The following USH2A variants were observed in gnomAD, a reference collection of about 807,000 sequenced individuals.
The protein encoded by USH2A is usherin, also known as Usher syndrome 2A (autosomal recessive, mild).
USH2A carries 443 observed loss-of-function variants against 538.9 expected under a neutral mutation model. That is an observed-to-expected ratio of 0.82 (90% CI 0.76 to 0.89). The LOEUF is 0.89. Among genes scored for constraint, USH2A ranks in the 40% least tolerant of loss-of-function variants. USH2A has a pLI of 0.00. For missense variants in USH2A, 6,633 were observed against 6,324.8 expected (o/e 1.05, Z -1.65); for synonymous variants, 2,413 against 2,273.5 (o/e 1.06, Z -1.75).
intron 14 of USH2A, among the ~76,000 whole-genome samples, chr1:216,231,249 T>TA (rs1553318102): frequency 1.2e-5 from 1 of 83,756 alleles, no homozygotes; most frequent in Non-Finnish European, 2.3e-5. Context: ...TATATATATA[T>TA]TATATATATA....
intron 43 of USH2A, among the ~76,000 whole-genome samples, chr1:215,876,289 T>C (rs1262168097): frequency 6.6e-6 from 1 of 152,196 alleles, no homozygotes; most frequent in Non-Finnish European, 1.5e-5. Context: ...TTCATATAGT[T>C]CATTCTGTTG....
intron 46 of USH2A, among the ~76,000 whole-genome samples, chr1:215,840,410 A>G (rs1462153255): frequency 2.0e-5 from 3 of 152,150 alleles, no homozygotes; most frequent in African/African-American, 7.2e-5. Flanking sequence ...GTATTCCTGG[A>G]CTGCAAAAAG....
chr1:215,776,968 A>G (rs2102758029), intron 55 of USH2A, among the ~76,000 whole-genome samples: 1 of 152,242 alleles, frequency 6.6e-6, no homozygotes, highest in South Asian at 2.1e-4. Flanking sequence ...TTATTTCTTT[A>G]TTCTACAAAG....
In USH2A at chr1:216,250,949, G is replaced by A. The variant is rs751369098; in HGVS notation, c.2121C>T (p.Thr707=). 9 of 1,614,014 alleles carry A rather than the reference G, an allele frequency of 5.6e-6. No individual in the cohort carries two copies. The highest frequency in any genetic ancestry group is 1.7e-5 in the Admixed American group (1 of 60,014). ...TGCACTGGCCTGAATTTTGGTGACA[G>A]GTAATATCTCCATCCACTGTCCCAG... ...NTSGTVDGDI[T]CHQNSGQCKC... is the part of the protein sequence containing the mutation. The change falls in exon 12 of 72, where the codon ACC becomes ACT. Residue 707 remains threonine, a synonymous_variant. Transcript: ENST00000307340.
chr1:215,667,993 A>G (rs527776371), intron 64 of USH2A, among the ~76,000 whole-genome samples: 19 of 152,310 alleles, frequency 1.2e-4, no homozygotes, highest in African/African-American at 3.6e-4. Context: ...AACCTCCCCA[A>G]CTATACATCC....
chr1:215,951,864 T>TTTTA (rs1666926165), intron 37 of USH2A, among the ~76,000 whole-genome samples: 1 of 151,368 alleles, frequency 6.6e-6, no homozygotes, highest in Admixed American at 6.6e-5. Context: ...TTTTTTATTT[T>TTTTA]TTTTATTTTT....
intron 43 of USH2A, among the ~76,000 whole-genome samples, chr1:215,871,925 T>C (rs1289310273): frequency 6.6e-6 from 1 of 152,216 alleles, no homozygotes; most frequent in Non-Finnish European, 1.5e-5. Flanking sequence ...TGATATATTG[T>C]GGGAAACCAA....
chr1:215,860,373 C>A (rs1664283938), intron 44 of USH2A, among the ~76,000 whole-genome samples: 1 of 152,026 alleles, frequency 6.6e-6, no homozygotes, highest in Non-Finnish European at 1.5e-5. Context: ...GTGGCCCACC[C>A]CCTGCAAGCT....
At chr1:215,680,676 A>C (rs1439941192) in intron 61 of USH2A, among the ~76,000 whole-genome samples, 1 of 152,068 alleles carries the variant, frequency 6.6e-6, no homozygotes, top group Non-Finnish European at 1.5e-5. Context: ...TAAAAAAAAA[A>C]ACAAAACATG....
intron 26 of USH2A, among the ~76,000 whole-genome samples, chr1:216,079,416 G>T (rs1221730047): frequency 6.6e-6 from 1 of 152,116 alleles, no homozygotes; most frequent in East Asian, 1.9e-4. Context: ...CTGGAAATTG[G>T]GAAAGGTTTA....
intron 19 of USH2A, 66 bp from the exon 20 acceptor site, chr1:216,190,433 C>T (rs780796766): frequency 7.0e-6 from 11 of 1,576,700 alleles, no homozygotes; most frequent in African/African-American, 5.4e-5. Context: ...AAAATATAAC[C>T]TTGGCAGTCA....
intron 11 of USH2A, among the ~76,000 whole-genome samples, chr1:216,251,912 G>A (rs1376079988): frequency 2.0e-5 from 3 of 152,060 alleles, no homozygotes; most frequent in Non-Finnish European, 4.4e-5. Flanking sequence ...TATGCCTATT[G>A]ATATTGATCC....
At chr1:215,996,579 T>G (rs1357465575) in intron 34 of USH2A, among the ~76,000 whole-genome samples, 3 of 139,144 alleles carry the variant, frequency 2.2e-5, no homozygotes, top group Admixed American at 7.4e-5. Flanking sequence ...TTTTTTTTTT[T>G]TTTTTTTTTT....
intron 9 of USH2A, among the ~76,000 whole-genome samples, chr1:216,310,112 A>G (rs2037392003): frequency 6.6e-6 from 1 of 152,022 alleles, no homozygotes; most frequent in Non-Finnish European, 1.5e-5. Flanking sequence ...CTCTCTTTTA[A>G]TTGGTATATT....
intron 21 of USH2A, among the ~76,000 whole-genome samples, chr1:216,125,053 T>C (rs2033220592): frequency 6.6e-6 from 1 of 152,186 alleles, no homozygotes; most frequent in African/African-American, 2.4e-5. Flanking sequence ...CTTTAATCTA[T>C]CAGTGATTCA....
chr1:216,078,410 A>G, intron 26 of USH2A, 48 bp from the exon 27 acceptor site: 1 of 1,579,556 alleles, frequency 6.3e-7, no homozygotes, highest in Non-Finnish European at 8.7e-7. Flanking sequence ...AAGGCTGCAG[A>G]AGGGCAGTTT....
At chr1:215,977,395 T>C (rs1667646611) in intron 35 of USH2A, among the ~76,000 whole-genome samples, 1 of 152,202 alleles carries the variant, frequency 6.6e-6, no homozygotes, top group Admixed American at 6.6e-5. Context: ...TCATTTATTT[T>C]AAACAAAGTT....
intron 21 of USH2A, among the ~76,000 whole-genome samples, chr1:216,157,886 C>T (rs915467946): frequency 2.0e-5 from 3 of 152,090 alleles, no homozygotes; most frequent in African/African-American, 2.4e-5. Context: ...ATAGCCCAAA[C>T]GTTAGCGTCA....
intron 11 of USH2A, among the ~76,000 whole-genome samples, chr1:216,270,314 G>A (rs2036551022): frequency 6.6e-6 from 1 of 152,072 alleles, no homozygotes; most frequent in South Asian, 2.1e-4. Flanking sequence ...CAGGAAATCT[G>A]TCCCGGAAAT....
Sources: gnomAD v4.1 joint callset for allele counts (sites outside exome capture counted in the v4.1 genomes callset) on GRCh38, gnomAD v4.1.1 for gene constraint, MANE v1.5 for transcripts, NCBI Gene and HGNC (gene_info 2026-07-23, HGNC 2026-07-21) for gene names.